Variants in LDAH observed in about 807,000 individuals in gnomAD.
LDAH encodes the protein lipid droplet-associated hydrolase.
LDAH carries 26 observed loss-of-function variants against 29.6 expected under a neutral mutation model. The observed-to-expected ratio is 0.88, with a 90% CI of 0.64 to 1.22. The LOEUF (loss-of-function observed/expected upper bound fraction) is 1.22, where lower values mean the gene tolerates loss of function less well. Ranked by LOEUF, LDAH falls within the 50% of genes most tolerant of loss-of-function variation. The probability of loss-of-function intolerance (pLI) is 0.00; values close to 1 mark genes in which losing one functional copy is unlikely to be tolerated. For missense variants in LDAH, 344 were observed against 387.3 expected (o/e 0.89, Z 0.94); for synonymous variants, 117 against 133.0 (o/e 0.88, Z 0.83).
chr2:20,778,982 A>G (rs1180491535), intron 3 of LDAH, among the ~76,000 whole-genome samples: 1 of 151,900 alleles, frequency 6.6e-6, no homozygotes, highest in African/African-American at 2.4e-5. Flanking sequence ...TCAACTATTT[A>G]TTTTCATACA....
At chr2:20,689,849 G>A (rs931746371) in intron 6 of LDAH, among the ~76,000 whole-genome samples, 7 of 152,128 alleles carry the variant, frequency 4.6e-5, no homozygotes, top group Middle Eastern at 3.2e-3. Flanking sequence ...AAGATCACTG[G>A]ACCCTGAGAA....
chr2:20,783,162 C>T (rs1208293351), intron 3 of LDAH, among the ~76,000 whole-genome samples: 1 of 151,976 alleles, frequency 6.6e-6, no homozygotes, highest in Admixed American at 6.6e-5. Flanking sequence ...AGTTTAATTC[C>T]ACTGTGGTCT....
At chr2:20,759,040 A>G (rs948050808) in intron 4 of LDAH, among the ~76,000 whole-genome samples, 1 of 152,248 alleles carries the variant, frequency 6.6e-6, no homozygotes, top group Non-Finnish European at 1.5e-5. Context: ...GTAAGAGGTT[A>G]TAAGAAGCTC....
intron 5 of LDAH, among the ~76,000 whole-genome samples, chr2:20,703,965 C>T (rs183991214): frequency 2.0e-5 from 3 of 152,218 alleles, no homozygotes; most frequent in Non-Finnish European, 2.9e-5. Context: ...TGAGAAAGTG[C>T]TATGGAGAAA....
At chr2:20,770,613 C>T (rs1669346936) in intron 4 of LDAH, among the ~76,000 whole-genome samples, 1 of 152,042 alleles carries the variant, frequency 6.6e-6, no homozygotes, top group South Asian at 2.1e-4. Flanking sequence ...GTATTATTCT[C>T]CCCCCACCCC....
rs550520507 is a variant in LDAH at position 20,697,966 on chromosome 2, A to T, written c.786+3604T>A. ...AACATTATACTTATCATTACAAATT[A>T]AAAAAAAATTCTGACTGCTATTATA... On this transcript the variant is annotated intron_variant, in intron 6 of 6. Coordinates refer to ENST00000237822, the MANE Select transcript of LDAH (RefSeq NM_021925.4). 1.5e-3 allele frequency among the ~76,000 whole-genome samples: 228 copies of T among 150,152 alleles called. 4 individuals carry two copies. The South Asian group carries it at 0.044, about 29-fold the overall frequency.
intron 1 of LDAH, among the ~76,000 whole-genome samples, chr2:20,822,492 G>C (rs1462782930): frequency 6.6e-6 from 1 of 152,130 alleles, no homozygotes; most frequent in African/African-American, 2.4e-5. Flanking sequence ...GCAGGTGTCC[G>C]GTAACTACTT....
intron 5 of LDAH, among the ~76,000 whole-genome samples, chr2:20,715,452 T>A (rs1205375748): frequency 6.6e-6 from 1 of 152,152 alleles, no homozygotes; most frequent in Non-Finnish European, 1.5e-5. Flanking sequence ...TTGGAAGCAA[T>A]GCCTTTGCAA....
At chr2:20,703,014 C>T (rs933040758) in intron 5 of LDAH, among the ~76,000 whole-genome samples, 6 of 152,092 alleles carry the variant, frequency 3.9e-5, no homozygotes, top group Non-Finnish European at 1.5e-5. Flanking sequence ...TTAGTAGAGA[C>T]AGGGTTTCAC....
intron 4 of LDAH, 36 bp downstream of exon 4, chr2:20,774,774 T>G: frequency 1.2e-6 from 2 of 1,603,054 alleles, no homozygotes; most frequent in Non-Finnish European, 1.7e-6. Context: ...AGGCACACAG[T>G]CCAGCACCCA....
At chr2:20,755,968 C>T (rs916000602) in intron 4 of LDAH, among the ~76,000 whole-genome samples, 1 of 152,156 alleles carries the variant, frequency 6.6e-6, no homozygotes, top group Admixed American at 6.5e-5. Flanking sequence ...CCCTGTAGTA[C>T]AGCTGACCAG....
In LDAH at chr2:20,810,652, A is replaced by G. The variant is rs527310026; in HGVS notation, c.-2-9187T>C. On this transcript the variant is annotated intron_variant, in intron 1 of 6. Transcript: ENST00000237822. ...TGAGGAACTTTTTCAAAGCACACCG[A>G]TAAGAACTGAGAATGCTTTAGAGGG... Among the ~76,000 whole-genome samples, 232 of 152,322 alleles carry G rather than the reference A, an allele frequency of 1.5e-3. 1 individual carries two copies. Among genetic ancestry groups the G allele is most frequent in the Non-Finnish European group, 2.7e-3 (182 of 68,022 alleles).
intron 5 of LDAH, among the ~76,000 whole-genome samples, chr2:20,713,453 C>T (rs1398353752): frequency 1.3e-5 from 2 of 152,108 alleles, no homozygotes; most frequent in African/African-American, 2.4e-5. Context: ...TAAAGACCAT[C>T]AATCCTATGA....
chr2:20,705,747 A>C (rs952083232), intron 5 of LDAH, among the ~76,000 whole-genome samples: 5 of 152,254 alleles, frequency 3.3e-5, no homozygotes, highest in African/African-American at 9.6e-5. Flanking sequence ...TGCAGAAATT[A>C]TATGAGTAGA....
chr2:20,722,163 G>A (rs1044142996), intron 5 of LDAH, among the ~76,000 whole-genome samples: 10 of 152,072 alleles, frequency 6.6e-5, no homozygotes, highest in African/African-American at 2.2e-4. Context: ...ATCACCTGAG[G>A]TCAGGAGTTC....
At chr2:20,750,150 G>T (rs571599733) in intron 4 of LDAH, among the ~76,000 whole-genome samples, 2 of 150,666 alleles carry the variant, frequency 1.3e-5, no homozygotes, top group Non-Finnish European at 2.9e-5. Flanking sequence ...CTCATCCTCC[G>T]TAGTAGCTGG....
intron 3 of LDAH, among the ~76,000 whole-genome samples, chr2:20,788,354 A>G (rs1168701876): frequency 6.6e-6 from 1 of 152,170 alleles, no homozygotes; most frequent in African/African-American, 2.4e-5. Flanking sequence ...GAGTTCACAT[A>G]TGCAGCCATA....
At chr2:20,744,596 T>C (rs1667441324) in intron 4 of LDAH, among the ~76,000 whole-genome samples, 1 of 152,154 alleles carries the variant, frequency 6.6e-6, no homozygotes, top group Non-Finnish European at 1.5e-5. Flanking sequence ...AGGTTAGGAT[T>C]TAGCTAACTA....
chr2:20,688,946 C>T (rs1429958476), intron 6 of LDAH, among the ~76,000 whole-genome samples: 5 of 150,554 alleles, frequency 3.3e-5, no homozygotes, highest in African/African-American at 1.2e-4. Flanking sequence ...CCCATCAACC[C>T]GTCATCTACA....
Sources: gnomAD v4.1 joint callset for allele counts (sites outside exome capture counted in the v4.1 genomes callset) on GRCh38, gnomAD v4.1.1 for gene constraint, MANE v1.5 for transcripts, NCBI Gene and HGNC (gene_info 2026-07-23, HGNC 2026-07-21) for gene names.